Variants in CSMD3 observed in about 807,000 individuals in gnomAD.
The protein encoded by CSMD3 is CUB and Sushi multiple domains 3, also known as CUB and sushi domain-containing protein 3.
Under a neutral mutation model 435.2 loss-of-function variants are expected in CSMD3, and 177 were observed. That is an observed-to-expected ratio of 0.41 (90% CI 0.36 to 0.46). CSMD3 has a LOEUF of 0.46. CSMD3 is among the 20% of genes least tolerant of loss of function. CSMD3 has a pLI of 0.34. For missense variants in CSMD3, 4,265 were observed against 4,504.6 expected, an observed-to-expected ratio of 0.95 and a Z score of 1.52; for synonymous variants, 1,656 against 1,520.5, an observed-to-expected ratio of 1.09 and a Z score of -2.07.
At chr8:113,001,911 A>AATAAAT (rs2085878977) in intron 6 of CSMD3, among the ~76,000 whole-genome samples, 1 of 152,076 alleles carries the variant, frequency 6.6e-6, no homozygotes, top group African/African-American at 2.4e-5. Flanking sequence ...ACTTTTGTTG[A>AATAAAT]ATAAATATAT....
intron 2 of CSMD3, 86 bp from the exon 3 acceptor site, chr8:113,278,790 A>T (rs1563643968): frequency 1.1e-5 from 8 of 718,004 alleles, no homozygotes; most frequent in Non-Finnish European, 1.8e-5. Flanking sequence ...TTTAAAAAAA[A>T]TAATAAAACA....
intron 13 of CSMD3, among the ~76,000 whole-genome samples, chr8:112,790,954 C>T (rs2078672531): frequency 6.6e-6 from 1 of 152,038 alleles, no homozygotes; most frequent in South Asian, 2.1e-4. Flanking sequence ...CAATAAACCA[C>T]TCATATTTAA....
chr8:112,474,689 A>G (rs548372495), intron 31 of CSMD3, among the ~76,000 whole-genome samples: 1 of 152,306 alleles, frequency 6.6e-6, no homozygotes, highest in South Asian at 2.1e-4. Context: ...AGGTACCTCC[A>G]GAAGAGTTAT....
At chr8:112,622,592 A>G (rs1292127712) in intron 22 of CSMD3, among the ~76,000 whole-genome samples, 1 of 152,152 alleles carries the variant, frequency 6.6e-6, no homozygotes, top group East Asian at 1.9e-4. Flanking sequence ...TTGAAGACAG[A>G]TTAGGCCTTC....
At chr8:112,958,252 G>A (rs2084102199) in intron 7 of CSMD3, among the ~76,000 whole-genome samples, 2 of 152,026 alleles carry the variant, frequency 1.3e-5, no homozygotes, top group South Asian at 2.1e-4. Flanking sequence ...AAGATTGATA[G>A]GCATATGCAC....
intron 13 of CSMD3, among the ~76,000 whole-genome samples, chr8:112,697,486 G>A (rs1262147443): frequency 3.3e-5 from 5 of 151,842 alleles, no homozygotes; most frequent in Admixed American, 3.3e-4. Context: ...AGTATCACAA[G>A]GACAAAAAAC....
At chr8:112,771,661 CA>C (rs1337837510) in intron 13 of CSMD3, among the ~76,000 whole-genome samples, 3 of 151,938 alleles carry the variant, frequency 2.0e-5, no homozygotes, top group African/African-American at 7.3e-5. Context: ...ATCTCCCTCA[CA>C]ATAAAAATAA....
intron 31 of CSMD3, among the ~76,000 whole-genome samples, chr8:112,490,361 T>C (rs898920558): frequency 6.6e-6 from 1 of 152,176 alleles, no homozygotes; most frequent in Non-Finnish European, 1.5e-5. Context: ...ACATTAAGTA[T>C]ACTTAATTGG....
At chr8:112,877,688 C>G (rs1397126887) in intron 10 of CSMD3, among the ~76,000 whole-genome samples, 1 of 152,102 alleles carries the variant, frequency 6.6e-6, no homozygotes, top group Non-Finnish European at 1.5e-5. Context: ...TGACAGTAAC[C>G]AAAACAGCAT....
chr8:112,314,744 T>C, intron 47 of CSMD3, 127 bp from the exon 48 acceptor site: 1 of 719,680 alleles, frequency 1.4e-6, no homozygotes, highest in Non-Finnish European at 2.5e-6. Flanking sequence ...AATTATTTGT[T>C]AGAAGAGACA....
chr8:113,429,508 A>G (rs2094657502), intron 1 of CSMD3, among the ~76,000 whole-genome samples: 1 of 152,030 alleles, frequency 6.6e-6, no homozygotes, highest in Admixed American at 6.6e-5. Flanking sequence ...TCAAGAAATA[A>G]ACTTTACTGA....
intron 4 of CSMD3, among the ~76,000 whole-genome samples, chr8:113,133,928 T>C (rs918158438): frequency 1.1e-4 from 16 of 152,052 alleles, no homozygotes; most frequent in Middle Eastern, 3.2e-3. Flanking sequence ...TTAACAGGTA[T>C]AGAGTTTCAG....
intron 3 of CSMD3, among the ~76,000 whole-genome samples, chr8:113,224,892 T>C (rs1464394798): frequency 6.6e-6 from 1 of 151,382 alleles, no homozygotes; most frequent in African/African-American, 2.4e-5. Flanking sequence ...GGGATTCATT[T>C]GCTTATTGAA....
intron 1 of CSMD3, among the ~76,000 whole-genome samples, chr8:113,407,810 A>T (rs1413483473): frequency 6.6e-6 from 1 of 152,154 alleles, no homozygotes; most frequent in Non-Finnish European, 1.5e-5. Context: ...ATTGTAAGGA[A>T]CATTCAGGAT....
chr8:113,080,536 G>A (rs1433836245), intron 5 of CSMD3, among the ~76,000 whole-genome samples: 1 of 152,084 alleles, frequency 6.6e-6, no homozygotes, highest in Non-Finnish European at 1.5e-5. Context: ...TCTCCCTAAT[G>A]CAATATGATG....
intron 13 of CSMD3, 23 bp downstream of exon 13, chr8:112,800,139 C>A (rs1390209488): frequency 1.4e-6 from 2 of 1,426,266 alleles, no homozygotes; most frequent in South Asian, 2.3e-5. Context: ...GATAACATTT[C>A]CTATGTAGAA....
chr8:112,643,229 C>T (rs1256253820), intron 20 of CSMD3, among the ~76,000 whole-genome samples: 1 of 152,008 alleles, frequency 6.6e-6, no homozygotes, highest in Non-Finnish European at 1.5e-5. Context: ...AATTTTTAAA[C>T]AATCAAATAT....
chr8:113,060,502 T>A (rs1179492293), intron 5 of CSMD3, among the ~76,000 whole-genome samples: 1 of 152,082 alleles, frequency 6.6e-6, no homozygotes, highest in South Asian at 2.1e-4. Flanking sequence ...TCCTTAGAAC[T>A]ATATACCATA....
intron 4 of CSMD3, among the ~76,000 whole-genome samples, chr8:113,131,508 A>G (rs950377621): frequency 1.3e-5 from 2 of 152,042 alleles, no homozygotes; most frequent in Non-Finnish European, 2.9e-5. Flanking sequence ...CTGCAGGTGT[A>G]TGGAAGGCAA....
Sources: gnomAD v4.1 joint callset for allele counts (sites outside exome capture counted in the v4.1 genomes callset) on GRCh38, gnomAD v4.1.1 for gene constraint, MANE v1.5 for transcripts, NCBI Gene and HGNC (gene_info 2026-07-23, HGNC 2026-07-21) for gene names.